Variants in PARD3 observed in about 807,000 individuals in gnomAD.
The protein encoded by PARD3 is partitioning defective 3 homolog.
In PARD3, 75 loss-of-function variants were observed where a neutral mutation model predicts 155.4. That is an observed-to-expected ratio of 0.48 (90% CI 0.40 to 0.58). PARD3 has a LOEUF of 0.58. PARD3 is among the 20% of genes least tolerant of loss of function. The pLI is 0.00. For missense variants in PARD3, 1,642 were observed against 1,721.7 expected (o/e 0.95, Z 0.82); for synonymous variants, 576 against 610.5 (o/e 0.94, Z 0.83).
At chr10:34,595,768 C>T (rs2089194027) in intron 2 of PARD3, among the ~76,000 whole-genome samples, 1 of 151,868 alleles carries the variant, frequency 6.6e-6, no homozygotes, top group African/African-American at 2.4e-5. Context: ...TAAAAAAAAA[C>T]ACTCTGTCAC....
chr10:34,240,276 A>G (rs1001418582), intron 22 of PARD3, among the ~76,000 whole-genome samples: 38 of 152,238 alleles, frequency 2.5e-4, no homozygotes, highest in African/African-American at 7.7e-4. Flanking sequence ...ACATTACTAA[A>G]GAGTTATGTA....
At chr10:34,388,233 T>C (rs571818080) in intron 7 of PARD3, among the ~76,000 whole-genome samples, 1 of 152,114 alleles carries the variant, frequency 6.6e-6, no homozygotes, top group South Asian at 2.1e-4. Context: ...ACCACACTAT[T>C]AGAATCATTC....
At chr10:34,542,030 C>T (rs529947566) in intron 2 of PARD3, among the ~76,000 whole-genome samples, 8 of 152,230 alleles carry the variant, frequency 5.3e-5, no homozygotes, top group South Asian at 2.1e-4. Context: ...CAAGCAACAC[C>T]GCCCCTGGCC....
Position 34,667,495 on chromosome 10 carries a change from C to T in PARD3, c.222+28823G>A, listed in dbSNP as rs535497365. On this transcript the variant is annotated intron_variant, in intron 2 of 24. Coordinates refer to ENST00000374788, the MANE Select transcript of PARD3 (RefSeq NM_001184785.2). Reference sequence around the variant, plus strand: ...CTGATAGTGCAGGAATTTAAGGCTACAAAATTGTCACCTATTCATCACTGA... The same window carrying T: ...CTGATAGTGCAGGAATTTAAGGCTATAAAATTGTCACCTATTCATCACTGA... Among the ~76,000 whole-genome samples, 16 of 152,080 alleles carry T rather than the reference C, an allele frequency of 1.1e-4. 1 individual carries two copies. Among genetic ancestry groups the T allele is most frequent in the Non-Finnish European group, 2.2e-4 (15 of 68,018 alleles).
At chr10:34,443,063 A>C (rs1402348677) in intron 5 of PARD3, among the ~76,000 whole-genome samples, 1 of 152,060 alleles carries the variant, frequency 6.6e-6, no homozygotes, top group Admixed American at 6.5e-5. Context: ...TGGAAAAAAA[A>C]CAACTCTGGT....
intron 9 of PARD3, 146 bp downstream of exon 9, chr10:34,382,394 T>G: frequency 2.7e-6 from 2 of 736,040 alleles, no homozygotes; most frequent in Non-Finnish European, 4.4e-6. Context: ...CTTTAAAAAA[T>G]CTATCAGTTC....
chr10:34,656,732 T>C (rs1487057969), intron 2 of PARD3, among the ~76,000 whole-genome samples: 1 of 152,194 alleles, frequency 6.6e-6, no homozygotes, highest in Non-Finnish European at 1.5e-5. Flanking sequence ...ATGTACATGC[T>C]GGGAACTGAG....
intron 19 of PARD3, among the ~76,000 whole-genome samples, chr10:34,323,571 T>G (rs868477838): frequency 6.6e-6 from 1 of 152,358 alleles, no homozygotes; most frequent in Middle Eastern, 3.4e-3. Flanking sequence ...CTCTATTTCA[T>G]TTTTAAAAAA....
chr10:34,293,388 C>T (rs775046782), intron 20 of PARD3, among the ~76,000 whole-genome samples: 13 of 152,088 alleles, frequency 8.5e-5, no homozygotes, highest in Non-Finnish European at 1.8e-4. Flanking sequence ...ACCACACTAA[C>T]CCCATAACCC....
intron 22 of PARD3, among the ~76,000 whole-genome samples, chr10:34,269,258 A>AT (rs1398414429): frequency 6.6e-6 from 1 of 152,180 alleles, no homozygotes; most frequent in Admixed American, 6.5e-5. Flanking sequence ...ATCCATCTAA[A>AT]TCATAAGTGG....
intron 5 of PARD3, among the ~76,000 whole-genome samples, chr10:34,439,371 T>C (rs2076347542): frequency 6.6e-6 from 1 of 151,950 alleles, no homozygotes; most frequent in African/African-American, 2.4e-5. Flanking sequence ...CATCTTACAA[T>C]TTGGAAATGA....
At chr10:34,604,618 A>G (rs993532564) in intron 2 of PARD3, among the ~76,000 whole-genome samples, 6 of 148,324 alleles carry the variant, frequency 4.0e-5, no homozygotes, top group Non-Finnish European at 8.9e-5. Flanking sequence ...TATATATGAT[A>G]CATAAAGATG....
chr10:34,449,595 G>A (rs1317331577), intron 5 of PARD3, among the ~76,000 whole-genome samples: 3 of 140,614 alleles, frequency 2.1e-5, no homozygotes, highest in Non-Finnish European at 3.0e-5. Flanking sequence ...AAAACTTAAA[G>A]TATAAAAAAA....
At chr10:34,156,831 G>GAAAGAA (rs5784397) in intron 22 of PARD3, among the ~76,000 whole-genome samples, 152,255 of 152,256 alleles carry the variant, frequency 1, 76,127 homozygotes, top group Middle Eastern at 1. Context: ...TATATGAAAG[G>GAAAGAA]AAAACAGCTT....
chr10:34,647,198 CCT>C (rs2092867176), intron 2 of PARD3, among the ~76,000 whole-genome samples: 1 of 152,174 alleles, frequency 6.6e-6, no homozygotes, highest in Non-Finnish European at 1.5e-5. Flanking sequence ...CTGTGAATAA[CCT>C]CACAATGTTC....
intron 22 of PARD3, among the ~76,000 whole-genome samples, chr10:34,214,576 G>A (rs756630928): frequency 6.6e-6 from 1 of 152,008 alleles, no homozygotes; most frequent in Non-Finnish European, 1.5e-5. Flanking sequence ...CCACCACTTC[G>A]GGAGCTCAGG....
chr10:34,210,806 G>A (rs1460281932), intron 22 of PARD3, among the ~76,000 whole-genome samples: 1 of 152,100 alleles, frequency 6.6e-6, no homozygotes, highest in Non-Finnish European at 1.5e-5. Flanking sequence ...GTGCACAATG[G>A]TCATTTAGGA....
intron 2 of PARD3, among the ~76,000 whole-genome samples, chr10:34,689,670 A>T (rs888859393): frequency 2.0e-5 from 3 of 152,224 alleles, no homozygotes; most frequent in African/African-American, 7.2e-5. Flanking sequence ...GAAATATGAT[A>T]AAAGATTCTA....
chr10:34,184,068 T>C (rs1050905606), intron 22 of PARD3, among the ~76,000 whole-genome samples: 1 of 152,212 alleles, frequency 6.6e-6, no homozygotes, highest in East Asian at 1.9e-4. Context: ...CCCATCTGCC[T>C]CTGCCTCCTG....
Sources: allele counts gnomAD v4.1 joint callset (sites outside exome capture counted in the v4.1 genomes callset), GRCh38; gene constraint gnomAD v4.1.1; transcripts MANE v1.5; gene names NCBI Gene and HGNC (gene_info 2026-07-23, HGNC 2026-07-21).